Variants in SLC22A25 observed in about 807,000 individuals in gnomAD.
SLC22A25 encodes the protein solute carrier family 22 member 25.
Under a neutral mutation model 45.9 loss-of-function variants are expected in SLC22A25, and 44 were observed. The observed-to-expected ratio is 0.96, with a 90% CI of 0.75 to 1.23. The LOEUF (loss-of-function observed/expected upper bound fraction) is 1.23. SLC22A25 is among the 50% of genes most tolerant of loss of function. The probability of loss-of-function intolerance (pLI) is 0.00; values close to 1 mark genes in which losing one functional copy is unlikely to be tolerated. For missense variants in SLC22A25, 800 were observed against 666.4 expected, an observed-to-expected ratio of 1.20 and a Z score of -2.21; for synonymous variants, 283 against 238.6, an observed-to-expected ratio of 1.19 and a Z score of -1.72.
intron 8 of SLC22A25, among the ~76,000 whole-genome samples, chr11:63,181,284 T>G (rs776166884): frequency 2.6e-5 from 4 of 152,008 alleles, no homozygotes; most frequent in Non-Finnish European, 5.9e-5. Context: ...GTTTTATTAT[T>G]ATACTTTAAG....
At chr11:63,223,380 A>AT (rs1200958899) in intron 5 of SLC22A25, among the ~76,000 whole-genome samples, 1 of 151,844 alleles carries the variant, frequency 6.6e-6, no homozygotes, top group Non-Finnish European at 1.5e-5. Flanking sequence ...GAATTTACCC[A>AT]TTTCTTGTAT....
At position 63,161,241 on chromosome 11, in the gene SLC22A25, C is replaced by T. The variant is rs2087530717; in HGVS notation, c.*2583G>A. Among the ~76,000 whole-genome samples, 1 of 152,056 alleles carries T rather than the reference C, an allele frequency of 6.6e-6. No individual in the cohort carries two copies. ...TACCCCCATTGTATCTAGGAAGTAA[C>T]CAATTTCTTTTGATTTTGCAAGGTC... is the stretch of plus-strand genomic sequence containing the variant. On this transcript the variant is annotated 3_prime_UTR_variant, in exon 12 of 12. Transcript: ENST00000306494.
At chr11:63,209,487 G>T (rs1484149810) in intron 7 of SLC22A25, among the ~76,000 whole-genome samples, 1 of 152,084 alleles carries the variant, frequency 6.6e-6, no homozygotes, top group Non-Finnish European at 1.5e-5. Flanking sequence ...GGAAAGTGAG[G>T]CTCAGTCTCC....
chr11:63,226,956 G>T (rs1219054925), intron 5 of SLC22A25, among the ~76,000 whole-genome samples: 1 of 152,152 alleles, frequency 6.6e-6, no homozygotes, highest in Non-Finnish European at 1.5e-5. Context: ...TACTTCCAGG[G>T]TGATTATTAA....
At chr11:63,211,537 A>G (rs2089561243) in intron 7 of SLC22A25, among the ~76,000 whole-genome samples, 3 of 152,120 alleles carry the variant, frequency 2.0e-5, no homozygotes, top group Admixed American at 2.0e-4. Context: ...GGCAATTGCA[A>G]TATGCCTGGA....
chr11:63,227,407 C>A (rs1403261365), intron 5 of SLC22A25, among the ~76,000 whole-genome samples: 3 of 152,144 alleles, frequency 2.0e-5, no homozygotes, highest in Non-Finnish European at 2.9e-5. Flanking sequence ...CAGCAGATTC[C>A]CTTCTGGCCC....
chr11:63,174,155 G>A (rs2087999703), intron 9 of SLC22A25, among the ~76,000 whole-genome samples: 1 of 152,012 alleles, frequency 6.6e-6, no homozygotes, highest in Admixed American at 6.6e-5. Flanking sequence ...CACGGTGTTT[G>A]GTTTTCTGAT....
At chr11:63,169,380 CAT>C (rs2087796755) in intron 9 of SLC22A25, among the ~76,000 whole-genome samples, 1 of 151,342 alleles carries the variant, frequency 6.6e-6, no homozygotes, top group Non-Finnish European at 1.5e-5. Flanking sequence ...TGGCAAATTG[CAT>C]AGAGTCAAGA....
chr11:63,232,336 A>C (rs2090084695), intron 3 of SLC22A25, among the ~76,000 whole-genome samples: 1 of 152,214 alleles, frequency 6.6e-6, no homozygotes, highest in South Asian at 2.1e-4. Flanking sequence ...TTCTCCTTGA[A>C]GAGGTCCTTC....
intron 7 of SLC22A25, among the ~76,000 whole-genome samples, chr11:63,204,948 C>G (rs969292616): frequency 6.6e-6 from 1 of 152,094 alleles, no homozygotes; most frequent in Non-Finnish European, 1.5e-5. Context: ...GTATGGAAAT[C>G]ATAACAAACA....
chr11:63,190,236 T>A (rs917026504), intron 7 of SLC22A25, among the ~76,000 whole-genome samples: 14 of 151,988 alleles, frequency 9.2e-5, no homozygotes, highest in Non-Finnish European at 2.9e-5. Context: ...TGGAGGCTTT[T>A]CTTGTTTCTT....
chr11:63,176,989 C>G (rs529276514), intron 9 of SLC22A25, among the ~76,000 whole-genome samples: 1 of 151,944 alleles, frequency 6.6e-6, no homozygotes, highest in Non-Finnish European at 1.5e-5. Flanking sequence ...CTCTTTATTT[C>G]TCTTCATTTT....
chr11:63,189,643 T>C (rs1002032701), intron 7 of SLC22A25, among the ~76,000 whole-genome samples: 8 of 152,218 alleles, frequency 5.3e-5, no homozygotes, highest in African/African-American at 1.9e-4. Flanking sequence ...CTAGCATCGA[T>C]GGTCTTTACA....
At chr11:63,198,466 A>G (rs117914485) in intron 7 of SLC22A25, among the ~76,000 whole-genome samples, 1 of 152,206 alleles carries the variant, frequency 6.6e-6, no homozygotes, top group African/African-American at 2.4e-5. Flanking sequence ...AAACTGTTAC[A>G]AGGACAGAAA....
chr11:63,219,910 T>C, intron 5 of SLC22A25: 1 of 1,288,676 alleles, frequency 7.8e-7, no homozygotes, highest in Non-Finnish European at 1.0e-6. Flanking sequence ...CTGTCATACA[T>C]TCAGGGTTTC....
At position 63,160,897 on chromosome 11, in the gene SLC22A25, C is replaced by T. The variant is rs914519784; in HGVS notation, c.*2927G>A. Among the ~76,000 whole-genome samples the T allele has an allele frequency of 6.6e-6, 1 of 151,994 alleles. No individual in the cohort carries two copies. The highest frequency in any genetic ancestry group is 1.5e-5 in the Non-Finnish European group (1 of 67,998). On this transcript the variant is annotated 3_prime_UTR_variant, in exon 12 of 12. Coordinates refer to ENST00000306494, the MANE Select transcript of SLC22A25 (RefSeq NM_199352.6). ...TGCTGGATTTTGGAATTGTATGGGG[C>T]CTTTAGTAAAACTGCTATGGAGAAC...
chr11:63,201,013 C>A (rs577442017), intron 7 of SLC22A25, among the ~76,000 whole-genome samples: 1 of 152,170 alleles, frequency 6.6e-6, no homozygotes, highest in African/African-American at 2.4e-5. Flanking sequence ...AGAGATGATA[C>A]AAACAGAAAA....
chr11:63,173,899 CTT>C (rs561742765), intron 9 of SLC22A25, among the ~76,000 whole-genome samples: 21 of 140,694 alleles, frequency 1.5e-4, no homozygotes, highest in African/African-American at 5.1e-4. Flanking sequence ...ATTTTCTTTT[CTT>C]TTTTTTTTTT....
intron 7 of SLC22A25, among the ~76,000 whole-genome samples, chr11:63,185,658 G>A (rs1378292132): frequency 7.3e-6 from 1 of 136,614 alleles, no homozygotes; most frequent in Non-Finnish European, 1.6e-5. Flanking sequence ...TCGTCATCTA[G>A]CATTAGGTAT....
Sources: allele counts gnomAD v4.1 joint callset (sites outside exome capture counted in the v4.1 genomes callset), GRCh38; gene constraint gnomAD v4.1.1; transcripts MANE v1.5; gene names NCBI Gene and HGNC (gene_info 2026-07-23, HGNC 2026-07-21).